GNA14: variants seen among roughly 807,000 people sequenced by gnomAD.
The protein encoded by GNA14 is G protein subunit alpha 14.
A neutral mutation model predicts 42.0 loss-of-function variants in GNA14; 50 were observed. That is an observed-to-expected ratio of 1.19 (90% CI 0.95 to 1.51). The LOEUF is 1.51. Ranked by LOEUF, GNA14 falls within the 40% of genes most tolerant of loss-of-function variation. GNA14 has a pLI of 0.00. For synonymous variants in GNA14, 173 were observed against 163.1 expected, an observed-to-expected ratio of 1.06 and a Z score of -0.46; for missense variants, 473 against 446.2, an observed-to-expected ratio of 1.06 and a Z score of -0.54.
chr9:77,575,256 G>A (rs777561458), intron 1 of GNA14, among the ~76,000 whole-genome samples: 2 of 152,120 alleles, frequency 1.3e-5, no homozygotes, highest in Non-Finnish European at 2.9e-5. Flanking sequence ...GGTGGCACAT[G>A]CCTGTAATCC....
chr9:77,560,552 G>A (rs1465625570), intron 1 of GNA14, among the ~76,000 whole-genome samples: 4 of 152,112 alleles, frequency 2.6e-5, no homozygotes, highest in African/African-American at 9.7e-5. Context: ...CTGAGCTCAG[G>A]CAGTTTGCCT....
intron 2 of GNA14, among the ~76,000 whole-genome samples, chr9:77,493,505 T>C (rs1836821875): frequency 6.6e-6 from 1 of 152,196 alleles, no homozygotes; most frequent in Non-Finnish European, 1.5e-5. Context: ...TACAGTTTGA[T>C]TGAAATAAAT....
chr9:77,435,095 A>G (rs1835622805), intron 2 of GNA14, among the ~76,000 whole-genome samples: 1 of 150,638 alleles, frequency 6.6e-6, no homozygotes, highest in East Asian at 2.0e-4. Flanking sequence ...GCGGTGGTTC[A>G]TGCCTGTAAT....
intron 1 of GNA14, among the ~76,000 whole-genome samples, chr9:77,620,370 G>A (rs555694891): frequency 1.3e-5 from 2 of 152,280 alleles, no homozygotes; most frequent in East Asian, 3.9e-4. Flanking sequence ...TTTTTCAGGT[G>A]ATTGAAAGTT....
intron 1 of GNA14, among the ~76,000 whole-genome samples, chr9:77,605,011 T>G (rs1337671202): frequency 6.6e-6 from 1 of 152,216 alleles, no homozygotes; most frequent in Non-Finnish European, 1.5e-5. Context: ...CTGATAAAAT[T>G]TACCTCCGAA....
chr9:77,545,638 A>G (rs2131778650), intron 1 of GNA14, among the ~76,000 whole-genome samples: 1 of 152,202 alleles, frequency 6.6e-6, no homozygotes, highest in African/African-American at 2.4e-5. Flanking sequence ...AGGCCTTACC[A>G]TTTTCACCTT....
intron 1 of GNA14, among the ~76,000 whole-genome samples, chr9:77,538,217 T>A (rs4744835): frequency 0.64 from 97,092 of 151,766 alleles, 31,273 homozygotes; most frequent in Admixed American, 0.72. Context: ...ACTACAGGTG[T>A]GTGCCACCAC....
At chr9:77,647,542 AG>A in intron 1 of GNA14, 127 bp downstream of exon 1, 1 of 1,055,756 alleles carries the variant, frequency 9.5e-7, no homozygotes, top group Non-Finnish European at 1.3e-6. Context: ...GTGAGCTCCG[AG>A]GGGGAGAAGG....
At chr9:77,437,008 G>C (rs1326244541) in intron 2 of GNA14, among the ~76,000 whole-genome samples, 1 of 152,108 alleles carries the variant, frequency 6.6e-6, no homozygotes, top group African/African-American at 2.4e-5. Flanking sequence ...GCAACGCTTG[G>C]CCAATCTGTA....
At chr9:77,562,021 A>G (rs968037225) in intron 1 of GNA14, among the ~76,000 whole-genome samples, 4 of 152,198 alleles carry the variant, frequency 2.6e-5, no homozygotes, top group Non-Finnish European at 4.4e-5. Flanking sequence ...TGAAGTGTCA[A>G]AGTCTGAAAG....
chr9:77,494,605 T>A (rs1234165255), intron 2 of GNA14, among the ~76,000 whole-genome samples: 1 of 152,214 alleles, frequency 6.6e-6, no homozygotes, highest in African/African-American at 2.4e-5. Flanking sequence ...CCATTTTATA[T>A]TTAACATTTA....
chr9:77,531,632 G>A (rs953562520), intron 1 of GNA14, among the ~76,000 whole-genome samples: 2 of 152,174 alleles, frequency 1.3e-5, no homozygotes, highest in Non-Finnish European at 1.5e-5. Context: ...TGAATGCAGA[G>A]ATTATGTAAT....
Position 77,434,669 on chromosome 9 carries a change from C to T in GNA14, c.310-147G>A, listed in dbSNP as rs962295454. 5.5e-5 allele frequency: 36 copies of T among 656,092 alleles called. No individual in the cohort carries two copies. In the African/African-American group the frequency reaches 5.8e-4, roughly 11 times the overall value. The allele number at this position is 656,092 out of a possible 1,614,324, so 40.6% of individuals were successfully genotyped here. A position where few individuals can be genotyped will look rare whatever the true frequency, so the allele number is the denominator to read the frequency against. On this transcript the variant is annotated intron_variant, in intron 2 of 6. Transcript: ENST00000341700. ...GGTGGGCACCCTCCCAGGGGCCGCT[C>T]ACAGCCAAGACACCCACTGCAGCCA...
At chr9:77,641,104 GGAAGGAAGGAAGGAAGGAA>G (rs1824258173) in intron 1 of GNA14, among the ~76,000 whole-genome samples, 1 of 2,078 alleles carries the variant, frequency 4.8e-4, no homozygotes, top group Non-Finnish European at 1.1e-3. Flanking sequence ...GGGGGGGGAA[GGAAGGAAGGAAGGAAGGAA>G]GGAAGGAAGG....
chr9:77,573,544 C>G (rs1823090534), intron 1 of GNA14, among the ~76,000 whole-genome samples: 1 of 152,148 alleles, frequency 6.6e-6, no homozygotes, highest in South Asian at 2.1e-4. Flanking sequence ...GATCTGCGCT[C>G]AAGAGATAAG....
intron 1 of GNA14, among the ~76,000 whole-genome samples, chr9:77,545,421 T>C (rs528476847): frequency 2.6e-5 from 4 of 152,240 alleles, no homozygotes; most frequent in Admixed American, 2.0e-4. Context: ...TGTCAGAATA[T>C]GAAATTCAGA....
At chr9:77,485,506 A>G (rs1836642624) in intron 2 of GNA14, among the ~76,000 whole-genome samples, 1 of 152,202 alleles carries the variant, frequency 6.6e-6, no homozygotes, top group Non-Finnish European at 1.5e-5. Flanking sequence ...CAGGAATTAC[A>G]AATGTTCTTC....
chr9:77,568,208 T>C (rs891136129), intron 1 of GNA14, among the ~76,000 whole-genome samples: 1 of 152,056 alleles, frequency 6.6e-6, no homozygotes, highest in African/African-American at 2.4e-5. Flanking sequence ...CCCAGCACTT[T>C]GTGAGGCCGA....
intron 2 of GNA14, 88 bp from the exon 3 acceptor site, chr9:77,434,610 TG>T (rs1309875528): frequency 8.2e-7 from 1 of 1,218,846 alleles, no homozygotes; most frequent in African/African-American, 1.5e-5. Flanking sequence ...CCCTGGTCTG[TG>T]GATTTGGAGA....
Sources: allele counts gnomAD v4.1 joint callset (sites outside exome capture counted in the v4.1 genomes callset), GRCh38; gene constraint gnomAD v4.1.1; transcripts MANE v1.5; gene names NCBI Gene and HGNC (gene_info 2026-07-23, HGNC 2026-07-21).